Variants in CCDC39 observed in about 807,000 individuals in gnomAD.
CCDC39 encodes the protein coiled-coil domain 39 molecular ruler complex subunit.
In CCDC39, 113 loss-of-function variants were observed where a neutral mutation model predicts 121.0. The ratio of observed to expected loss-of-function variants is 0.93; its 90% CI spans 0.80 to 1.09. The LOEUF is 1.09. Ranked by LOEUF, CCDC39 falls within the 50% of genes least tolerant of loss-of-function variation. The pLI is 0.00. For missense variants in CCDC39, 1,063 were observed against 1,074.7 expected (o/e 0.99, Z 0.15); for synonymous variants, 349 against 352.2 (o/e 0.99, Z 0.10).
chr3:180,659,635 T>A lies in CCDC39; in HGVS notation c.609+42A>T, dbSNP rs1201828079. On this transcript the variant is annotated intron_variant, in intron 5 of 19. Transcript: ENST00000476379. The stretch of plus-strand genomic sequence containing the variant: ...GTGAATTTAAGTGGTTTTGCAAACA[T>A]CACCTTGAAAATTAAGAAATAAAAA... 1.9e-6 allele frequency: 3 copies of A among 1,605,418 alleles called. No homozygotes were observed. The South Asian group carries it at 3.4e-5, about 18-fold the overall frequency.
intron 6 of CCDC39, among the ~76,000 whole-genome samples, chr3:180,658,293 A>AAG (rs1711637492): frequency 6.6e-6 from 1 of 150,704 alleles, no homozygotes; most frequent in Admixed American, 6.6e-5. Context: ...AAAAAAAAAA[A>AAG]AAAAGAATTA....
chr3:180,648,185 G>C lies in CCDC39; in HGVS notation c.1342C>G (p.Gln448Glu). Residue 448 changes from glutamine to glutamate, a missense_variant, in exon 10 of 20, where the codon CAA (glutamine) becomes GAA (glutamate). Coordinates refer to ENST00000476379, the MANE Select transcript of CCDC39 (RefSeq NM_181426.2). Reference protein sequence around the residue: ...QKLDFETLKQQEIMYSQDFHI... With the variant: ...QKLDFETLKQEEIMYSQDFHI... ...TCTACCTGGCTGTACATAATTTCTT[G>C]CTGCTTCAAGGTTTCAAAATCCAGT... The C allele has an allele frequency of 6.2e-7, 1 of 1,612,816 alleles. No individual in the cohort carries two copies. Among genetic ancestry groups the C allele is most frequent in the Non-Finnish European group, 8.5e-7 (1 of 1,179,230 alleles).
At chr3:180,668,039 G>C (rs977541436) in intron 1 of CCDC39, among the ~76,000 whole-genome samples, 4 of 152,162 alleles carry the variant, frequency 2.6e-5, no homozygotes, top group African/African-American at 9.7e-5. Context: ...ATGCTCACCA[G>C]TGTGCCATGT....
At chr3:180,677,470 AG>A (rs1470812325) in intron 1 of CCDC39, among the ~76,000 whole-genome samples, 1 of 151,690 alleles carries the variant, frequency 6.6e-6, no homozygotes, top group Non-Finnish European at 1.5e-5. Context: ...GGGGAAAAGG[AG>A]GTGGGAAAAT....
chr3:180,627,249 A>G (rs1717585294), intron 14 of CCDC39, among the ~76,000 whole-genome samples: 1 of 152,230 alleles, frequency 6.6e-6, no homozygotes, highest in Non-Finnish European at 1.5e-5. Context: ...ATTTTGTGAT[A>G]AGTATTACAT....
chr3:180,625,347 TC>T (rs1717532795), intron 14 of CCDC39, among the ~76,000 whole-genome samples: 1 of 151,632 alleles, frequency 6.6e-6, no homozygotes, highest in African/African-American at 2.4e-5. Flanking sequence ...AGTCTATTTT[TC>T]TTTTTTTTTT....
chr3:180,642,012 G>T lies in CCDC39; in HGVS notation c.1855C>A (p.Gln619Lys). Residue 619 changes from glutamine (Q) to lysine (K), a missense_variant, in exon 13 of 20, where the codon CAA (glutamine) becomes AAA (lysine). Gln to Lys is a moderately conservative substitution (Grantham distance 53). Transcript: ENST00000476379. The part of the protein sequence containing the change: ...MLASQIRYVD[Q>K]ERENISTEFR... ...AATTACCTTATGTTTTCCCGTTCTT[G>T]ATCAACATATCTTATTTGTGACGCA... The T allele has an allele frequency of 6.3e-7, 1 of 1,582,840 alleles. No homozygotes were observed. Among genetic ancestry groups the T allele is most frequent in the South Asian group, 1.2e-5 (1 of 84,788 alleles).
chr3:180,670,273 T>C (rs944871956), intron 1 of CCDC39, among the ~76,000 whole-genome samples: 1 of 152,002 alleles, frequency 6.6e-6, no homozygotes, highest in Non-Finnish European at 1.5e-5. Context: ...ACAAGTATTA[T>C]CATGTAATTA....
Position 180,671,569 on chromosome 3 carries a change from G to A in CCDC39, c.91-7583C>T, listed in dbSNP as rs1170447155. ...TGCCTTCCCTGCATCAAAAGATTTA[G>A]TGGTCCAGATAGAGGATTAAATCAG... On this transcript the variant is annotated intron_variant, in intron 1 of 19. Coordinates refer to ENST00000476379, the MANE Select transcript of CCDC39 (RefSeq NM_181426.2). Among the ~76,000 whole-genome samples the A allele has an allele frequency of 5.3e-5, 8 of 152,304 alleles. No individual in the cohort carries two copies. The East Asian group carries it at 1.5e-3, about 29-fold the overall frequency.
chr3:180,668,089 C>A (rs1711935852), intron 1 of CCDC39, among the ~76,000 whole-genome samples: 1 of 152,078 alleles, frequency 6.6e-6, no homozygotes, highest in Non-Finnish European at 1.5e-5. Flanking sequence ...AAGTTATTAC[C>A]CCTTTGAACC....
chr3:180,617,375 T>C, intron 16 of CCDC39: 1 of 582,710 alleles, frequency 1.7e-6, no homozygotes, highest in South Asian at 2.6e-5. Context: ...TTTATTATTT[T>C]ACAGTGTACT....
At chr3:180,671,838 T>C (rs541156168) in intron 1 of CCDC39, among the ~76,000 whole-genome samples, 1 of 152,312 alleles carries the variant, frequency 6.6e-6, no homozygotes, top group South Asian at 2.1e-4. Context: ...GGGTTCATGA[T>C]GTTTAAGGAA....
At chr3:180,651,873 T>C (rs1050372823) in intron 8 of CCDC39, among the ~76,000 whole-genome samples, 3 of 152,030 alleles carry the variant, frequency 2.0e-5, no homozygotes, top group African/African-American at 7.2e-5. Context: ...CCGTCTCTAA[T>C]AAAAATACAA....
chr3:180,617,855 T>C (rs576331522), intron 16 of CCDC39: 253 of 172,978 alleles, frequency 1.5e-3, no homozygotes, highest in Non-Finnish European at 2.6e-3. Context: ...ATTTATCATG[T>C]CTACAGTAGT....
chr3:180,631,201 A>C (rs922662071), intron 14 of CCDC39, among the ~76,000 whole-genome samples: 12 of 152,204 alleles, frequency 7.9e-5, no homozygotes, highest in African/African-American at 2.9e-4. Context: ...GCAAGTTCAC[A>C]GTAAGTTTTG....
In CCDC39 at chr3:180,661,886, A is replaced by G. The variant is rs1235126194; in HGVS notation, c.332T>C (p.Ile111Thr). ...TTCTTTATCACTTTTCTTTTCCAGT[A>G]TTGAAGCCATCTCATTTTCCAGCCG... Reference protein sequence around the residue: ...IQRLENEMASILEKKSDKENG... With the variant: ...IQRLENEMASTLEKKSDKENG... The change falls in exon 3 of 20, where the codon ATA becomes ACA. Residue 111 changes from isoleucine to threonine, a missense_variant. Transcript: ENST00000476379. 3 of 1,586,892 alleles carry G rather than the reference A, an allele frequency of 1.9e-6. No homozygotes were observed. Among genetic ancestry groups the G allele is most frequent in the African/African-American group, 1.3e-5 (1 of 74,594 alleles).
chr3:180,646,952 T>C lies in CCDC39; in HGVS notation c.1527+127A>G. The C allele has an allele frequency of 3.9e-6, 3 of 760,648 alleles. 1 individual carries two copies. The highest frequency in any genetic ancestry group is 6.3e-6 in the Non-Finnish European group (3 of 473,932). The allele number at this position is 760,648 out of a possible 1,614,324, so 47.1% of individuals were successfully genotyped here. A position where few individuals can be genotyped will look rare whatever the true frequency, so the allele number is the denominator to read the frequency against. ...TAATAGTACAAAAATAAGAACATTGTTCATACATTTGTTATATATGTGTGT... is the reference window on the plus strand; with the variant it reads ...TAATAGTACAAAAATAAGAACATTGCTCATACATTTGTTATATATGTGTGT... On this transcript the variant is annotated intron_variant, in intron 11 of 19. Transcript: ENST00000476379.
chr3:180,617,056 CATTT>C, intron 16 of CCDC39, 90 bp from the exon 17 acceptor site: 1 of 754,484 alleles, frequency 1.3e-6, no homozygotes, highest in Non-Finnish European at 2.0e-6. Context: ...AATTTTAATT[CATTT>C]ATTTTTGTAC....
chr3:180,664,728 T>C (rs2108431395), intron 1 of CCDC39, among the ~76,000 whole-genome samples: 1 of 151,342 alleles, frequency 6.6e-6, no homozygotes, highest in East Asian at 1.9e-4. Context: ...GGAGTCTTGC[T>C]CTTGTCACCC....
Sources: gnomAD v4.1 joint callset for allele counts (sites outside exome capture counted in the v4.1 genomes callset) on GRCh38, gnomAD v4.1.1 for gene constraint, MANE v1.5 for transcripts, NCBI Gene and HGNC (gene_info 2026-07-23, HGNC 2026-07-21) for gene names.